KDM1A: variants seen among roughly 807,000 people sequenced by gnomAD.
KDM1A encodes the protein lysine-specific histone demethylase 1A.
In KDM1A, 49 loss-of-function variants were observed where a neutral mutation model predicts 109.4. The observed-to-expected ratio is 0.45, with a 90% CI of 0.36 to 0.57. The LOEUF is 0.57. KDM1A is among the 20% of genes least tolerant of loss of function. The probability of loss-of-function intolerance (pLI) is 0.00; values close to 1 mark genes in which losing one functional copy is unlikely to be tolerated. For synonymous variants in KDM1A, 380 were observed against 415.4 expected (o/e 0.91, Z 1.04); for missense variants, 668 against 1,116.6 (o/e 0.60, Z 5.73).
chr1:23,027,912 TA>T (rs1174741492), intron 1 of KDM1A, among the ~76,000 whole-genome samples: 1 of 152,154 alleles, frequency 6.6e-6, no homozygotes, highest in Non-Finnish European at 1.5e-5. Flanking sequence ...TTTAAAAAAT[TA>T]AAATTCTAAA....
At chr1:23,078,279 C>T (rs1183792906) in intron 16 of KDM1A, among the ~76,000 whole-genome samples, 1 of 152,134 alleles carries the variant, frequency 6.6e-6, no homozygotes, top group Non-Finnish European at 1.5e-5. Flanking sequence ...AGACGGAGAA[C>T]AGTGAGAATA....
At chr1:23,057,031 G>T (rs1235689224) in intron 7 of KDM1A, among the ~76,000 whole-genome samples, 1 of 152,046 alleles carries the variant, frequency 6.6e-6, no homozygotes, top group African/African-American at 2.4e-5. Context: ...TTATCCATCA[G>T]ATTTTTCCCC....
intron 3 of KDM1A, among the ~76,000 whole-genome samples, chr1:23,047,401 T>TAG (rs1642532860): frequency 6.6e-6 from 1 of 152,192 alleles, no homozygotes; most frequent in South Asian, 2.1e-4. Context: ...AGATGCTGTT[T>TAG]AGAAGATAGA....
intron 6 of KDM1A, 186 bp downstream of exon 6, chr1:23,055,347 CTT>C (rs1642801820): frequency 3.2e-6 from 1 of 317,438 alleles, no homozygotes; most frequent in Middle Eastern, 8.9e-4. Context: ...AATATAGTCT[CTT>C]AATAAATGTG....
intron 14 of KDM1A, 80 bp downstream of exon 14, chr1:23,072,277 CATA>C: frequency 3.1e-6 from 3 of 980,334 alleles, no homozygotes; most frequent in Non-Finnish European, 4.8e-6. Flanking sequence ...AATTCTAAAT[CATA>C]ATGAGCTTTT....
At chr1:23,027,317 A>G (rs938884418) in intron 1 of KDM1A, among the ~76,000 whole-genome samples, 20 of 151,066 alleles carry the variant, frequency 1.3e-4, no homozygotes, top group African/African-American at 3.9e-4. Context: ...GAAGAATCCA[A>G]TTTTGTTTCT....
At chr1:23,082,945 A>T in intron 20 of KDM1A, 1 of 428,716 alleles carries the variant, frequency 2.3e-6, no homozygotes, top group South Asian at 3.7e-5. Context: ...ATGAGAACAC[A>T]TGTTAAGCAT....
intron 1 of KDM1A, among the ~76,000 whole-genome samples, chr1:23,028,636 G>C (rs1208583237): frequency 6.6e-6 from 1 of 152,132 alleles, no homozygotes; most frequent in Non-Finnish European, 1.5e-5. Context: ...AGGGGTAAAA[G>C]GAGAAAGAAA....
intron 2 of KDM1A, among the ~76,000 whole-genome samples, chr1:23,039,617 C>T (rs146225122): frequency 6.9e-4 from 105 of 152,306 alleles, no homozygotes; most frequent in South Asian, 4.4e-3. Context: ...CTTTTTCAGA[C>T]CATCTCCTTC....
intron 2 of KDM1A, among the ~76,000 whole-genome samples, chr1:23,031,048 G>A (rs944092157): frequency 1.3e-5 from 2 of 152,228 alleles, no homozygotes; most frequent in Non-Finnish European, 2.9e-5. Flanking sequence ...TGTTTACCAC[G>A]TAGTTAGATA....
At chr1:23,059,341 A>T (rs769886086) in intron 9 of KDM1A, 174 bp downstream of exon 9, 9 of 703,410 alleles carry the variant, frequency 1.3e-5, no homozygotes, top group Non-Finnish European at 2.7e-6. Context: ...CTCTTGAGCT[A>T]TGTAGGAAAG....
At chr1:23,049,544 G>T (rs933684911) in intron 3 of KDM1A, among the ~76,000 whole-genome samples, 2 of 151,916 alleles carry the variant, frequency 1.3e-5, no homozygotes, top group Non-Finnish European at 2.9e-5. Context: ...AATTAGCCAG[G>T]CATGGGAGCG....
rs1489552808 is a variant in KDM1A at position 23,042,444 on chromosome 1, T to TATTATTATTA, written c.518-1983_518-1982insATTATTATTA. Among the ~76,000 whole-genome samples the TATTATTATTA allele has an allele frequency of 3.5e-4, 31 of 88,204 alleles. 2 individuals carry two copies. The highest frequency in any genetic ancestry group is 8.0e-4 in the African/African-American group (19 of 23,874). The allele number at this position is 88,204 out of a possible 152,430, so 57.9% of individuals were successfully genotyped here. A position where few individuals can be genotyped will look rare whatever the true frequency, so the allele number is the denominator to read the frequency against. The stretch of plus-strand genomic sequence containing the variant: ...TAAAAATCTATGAAATATATTATTT[T>TATTATTATTA]TTTTTTTTTTTTTTTTTTTTTTTTT... On this transcript the variant is annotated intron_variant, in intron 2 of 20. Transcript: ENST00000400181.
chr1:23,032,759 A>T (rs1369057912), intron 2 of KDM1A, among the ~76,000 whole-genome samples: 1 of 152,228 alleles, frequency 6.6e-6, no homozygotes, highest in Non-Finnish European at 1.5e-5. Context: ...GAATCATAAA[A>T]TATTATCAGG....
Position 23,057,041 on chromosome 1 carries a change from C to T in KDM1A, c.991-443C>T, listed in dbSNP as rs141118696. Among the ~76,000 whole-genome samples, 87 of 152,060 alleles carry T rather than the reference C, an allele frequency of 5.7e-4. 1 individual carries two copies. The South Asian group carries it at 6.9e-3, about 12-fold the overall frequency. ...AAAAATTATCCATCAGATTTTTCCC[C>T]GCTAACTTTGGGGATCAGGGTGTAA... On this transcript the variant is annotated intron_variant, in intron 7 of 20. Transcript: ENST00000400181.
intron 1 of KDM1A, among the ~76,000 whole-genome samples, chr1:23,021,738 A>G (rs1641637485): frequency 6.6e-6 from 1 of 152,194 alleles, no homozygotes; most frequent in Non-Finnish European, 1.5e-5. Context: ...TGTATGATTC[A>G]GTGGTTTTTA....
intron 1 of KDM1A, among the ~76,000 whole-genome samples, chr1:23,027,707 C>T (rs1641851763): frequency 1.3e-5 from 2 of 149,482 alleles, no homozygotes; most frequent in Non-Finnish European, 3.0e-5. Context: ...CAGGCTTGAG[C>T]CACCGCTCCC....
intron 9 of KDM1A, among the ~76,000 whole-genome samples, chr1:23,063,221 G>T (rs12737916): frequency 2.2e-5 from 2 of 90,906 alleles, no homozygotes; most frequent in South Asian, 3.6e-4. Context: ...GTGTGGGGTG[G>T]GTGTGTGTGG....
At chr1:23,033,698 C>G (rs150210640) in intron 2 of KDM1A, among the ~76,000 whole-genome samples, 209 of 152,234 alleles carry the variant, frequency 1.4e-3, no homozygotes, top group Admixed American at 2.1e-3. Context: ...GTCAGTGGGT[C>G]AAATTGACTG....
Sources: allele counts gnomAD v4.1 joint callset (sites outside exome capture counted in the v4.1 genomes callset), GRCh38; gene constraint gnomAD v4.1.1; transcripts MANE v1.5; gene names NCBI Gene and HGNC (gene_info 2026-07-23, HGNC 2026-07-21).